SLC25A20: variants seen among roughly 807,000 people sequenced by gnomAD.
SLC25A20 encodes the protein mitochondrial carnitine/acylcarnitine carrier protein.
SLC25A20 carries 29 observed loss-of-function variants against 39.7 expected under a neutral mutation model. That is an observed-to-expected ratio of 0.73 (90% CI 0.54 to 1.00). The LOEUF is 1.00. Ranked by LOEUF, SLC25A20 falls within the 50% of genes least tolerant of loss-of-function variation. SLC25A20 has a pLI of 0.00. For missense variants in SLC25A20, 333 were observed against 379.9 expected, an observed-to-expected ratio of 0.88 and a Z score of 1.03; for synonymous variants, 103 against 142.2, an observed-to-expected ratio of 0.72 and a Z score of 1.96.
In SLC25A20 at chr3:48,869,438, G is replaced by C. The variant is rs772356706; in HGVS notation, c.418-6779C>G. Among the ~76,000 whole-genome samples the C allele has an allele frequency of 3.8e-4, 58 of 152,144 alleles. 1 individual carries two copies. Among genetic ancestry groups the C allele is most frequent in the Middle Eastern group, 3.4e-3 (1 of 294 alleles). On this transcript the variant is annotated intron_variant, in intron 4 of 8. Transcript: ENST00000319017. ...GAAGGCAGCTGGATCACGAGGTCAG[G>C]AGATTGAGGTGACCAACCTCAGGTG... is the stretch of plus-strand genomic sequence containing the variant.
Position 48,876,257 on chromosome 3 carries a change from A to C in SLC25A20, c.417+3101T>G, listed in dbSNP as rs2083756102. ...CTGGGGAGGCTGAGGCAGGAGAATC[A>C]CTTGAACCCAGGGGGAAGAGGTGGC... On this transcript the variant is annotated intron_variant, in intron 4 of 8. Coordinates refer to ENST00000319017, the MANE Select transcript of SLC25A20 (RefSeq NM_000387.6). Among the ~76,000 whole-genome samples, 3 of 145,676 alleles carry C rather than the reference A, an allele frequency of 2.1e-5. No individual in the cohort carries two copies. In the South Asian group the frequency reaches 6.8e-4, roughly 33 times the overall value.
intron 5 of SLC25A20, among the ~76,000 whole-genome samples, chr3:48,862,248 A>C (rs1300223722): frequency 6.6e-6 from 1 of 152,006 alleles, no homozygotes; most frequent in Non-Finnish European, 1.5e-5. Context: ...CACTGTCCCC[A>C]AGTCACACTT....
At chr3:48,886,488 A>C (rs901532950) in intron 2 of SLC25A20, among the ~76,000 whole-genome samples, 17 of 152,036 alleles carry the variant, frequency 1.1e-4, no homozygotes, top group Non-Finnish European at 2.4e-4. Context: ...GCGCCATTGC[A>C]CTCCAGCCTG....
At chr3:48,897,346 A>AATATATAT (rs34139351) in intron 1 of SLC25A20, among the ~76,000 whole-genome samples, 2 of 121,362 alleles carry the variant, frequency 1.6e-5, no homozygotes, top group African/African-American at 6.6e-5. Flanking sequence ...TGTGTGTGTG[A>AATATATAT]ATATATATAT....
chr3:48,859,163 C>G lies in SLC25A20; in HGVS notation c.647G>C (p.Gly216Ala). The change falls in exon 7 of 9, where the codon GGG becomes GCG. Residue 216 changes from glycine (G) to alanine (A), a missense_variant. Physicochemically the swap from Gly to Ala is moderately conservative, Grantham distance 60. Coordinates refer to ENST00000319017, the MANE Select transcript of SLC25A20 (RefSeq NM_000387.6). ...CCAGTTGAAGATCCCTGCAATGCCC[C>G]CAGCCACCAAGATCCGAGGGGCACT... ...ELSAPRILVA[G>A]GIAGIFNWAV... The G allele has an allele frequency of 6.2e-7, 1 of 1,614,062 alleles. No individual in the cohort carries two copies.
intron 4 of SLC25A20, among the ~76,000 whole-genome samples, chr3:48,864,306 C>T (rs988064705): frequency 1.5e-5 from 2 of 132,384 alleles, no homozygotes; most frequent in African/African-American, 5.8e-5. Flanking sequence ...CGAGATTGCA[C>T]CACTGCACTC....
chr3:48,897,267 G>A (rs1002938260), intron 1 of SLC25A20, among the ~76,000 whole-genome samples: 1 of 149,788 alleles, frequency 6.7e-6, no homozygotes, highest in East Asian at 1.9e-4. Context: ...CTTCAGTGCA[G>A]AGGTCATCCA....
chr3:48,861,123 A>C (rs1301128789), intron 5 of SLC25A20, among the ~76,000 whole-genome samples: 1 of 151,696 alleles, frequency 6.6e-6, no homozygotes, highest in Admixed American at 6.6e-5. Context: ...CACCACGCCC[A>C]GCTATTATTA....
At position 48,892,030 on chromosome 3, in the gene SLC25A20, GAGGTTGTCC is replaced by G. The variant is rs1310890508; in HGVS notation, c.139_147del (p.Gly47_Pro49del). On this transcript the variant is annotated inframe_deletion, in exon 2 of 9. Coordinates refer to ENST00000319017, the MANE Select transcript of SLC25A20 (RefSeq NM_000387.6). Reference sequence around the variant, plus strand: ...CAGTCAAAGGTCCCAGAGTACATGGGAGGTTGTCCAGGCAAACTCGGTGGCTGTGTCTGC... The same window carrying G: ...CAGTCAAAGGTCCCAGAGTACATGGGAGGCAAACTCGGTGGCTGTGTCTGC... 1 of 1,613,996 alleles carries G rather than the reference GAGGTTGTCC, an allele frequency of 6.2e-7. No homozygotes were observed. Among genetic ancestry groups the G allele is most frequent in the Non-Finnish European group, 8.5e-7 (1 of 1,180,004 alleles).
At chr3:48,873,795 G>A (rs1376888316) in intron 4 of SLC25A20, among the ~76,000 whole-genome samples, 1 of 149,634 alleles carries the variant, frequency 6.7e-6, no homozygotes, top group Admixed American at 6.7e-5. Context: ...GTGAAACCCC[G>A]TCTCTACTAA....
Position 48,857,443 on chromosome 3 carries a change from T to C in SLC25A20, c.*267A>G. ...GGCAGCATTCTTGCCACAGGTAGTATCTGGTCTGGAAGCTACTTGTTCCAT... is the reference window on the plus strand; with the variant it reads ...GGCAGCATTCTTGCCACAGGTAGTACCTGGTCTGGAAGCTACTTGTTCCAT... On this transcript the variant is annotated 3_prime_UTR_variant, in exon 9 of 9. Transcript: ENST00000319017. 6.3e-6 allele frequency: 3 copies of C among 475,710 alleles called. No individual in the cohort carries two copies. The South Asian group carries it at 6.4e-5, about 10-fold the overall frequency. 29.5% of individuals were successfully genotyped at this position (475,710 alleles called of 1,614,324 possible). A position where few individuals can be genotyped will look rare whatever the true frequency, so the allele number is the denominator to read the frequency against.
chr3:48,878,469 G>C (rs2083778322), intron 4 of SLC25A20, among the ~76,000 whole-genome samples: 1 of 149,376 alleles, frequency 6.7e-6, no homozygotes. Flanking sequence ...GAGTAGCTGG[G>C]ACCACAGATG....
rs1029129188 is a variant in SLC25A20, at chr3:48,878,371, T to C, written c.417+987A>G. On this transcript the variant is annotated intron_variant, in intron 4 of 8. Transcript: ENST00000319017. Reference sequence around the variant, plus strand: ...TTATTTGAGACAGGGTCTCACTCTGTCACCCAGACTGAAGTGCAGTGGCAC... The same window carrying C: ...TTATTTGAGACAGGGTCTCACTCTGCCACCCAGACTGAAGTGCAGTGGCAC... Among the ~76,000 whole-genome samples, 11 of 151,310 alleles carry C rather than the reference T, an allele frequency of 7.3e-5. No homozygotes were observed. The South Asian group carries it at 1.0e-3, about 14-fold the overall frequency.
chr3:48,888,728 C>A (rs140502640), intron 2 of SLC25A20, among the ~76,000 whole-genome samples: 1 of 152,068 alleles, frequency 6.6e-6, no homozygotes, highest in South Asian at 2.1e-4. Flanking sequence ...ATGACTACTA[C>A]TTAGTTTCTG....
At chr3:48,880,718 A>G (rs566256152) in intron 3 of SLC25A20, among the ~76,000 whole-genome samples, 1 of 151,674 alleles carries the variant, frequency 6.6e-6, no homozygotes, top group South Asian at 2.1e-4. Context: ...AGCTGGGACT[A>G]CAGGCAAGCC....
intron 8 of SLC25A20, 129 bp downstream of exon 8, chr3:48,858,378 T>C (rs758516964): frequency 3.0e-5 from 41 of 1,352,150 alleles, no homozygotes; most frequent in Non-Finnish European, 4.0e-5. Context: ...AAATAAGGAA[T>C]GCTCTGGCTG....
intron 4 of SLC25A20, among the ~76,000 whole-genome samples, chr3:48,873,912 C>A (rs558672645): frequency 7.8e-6 from 1 of 127,604 alleles, no homozygotes; most frequent in Non-Finnish European, 1.6e-5. Context: ...GAGCTTGCAG[C>A]GAGCTGAGAT....
chr3:48,867,872 C>G (rs1431074862), intron 4 of SLC25A20, among the ~76,000 whole-genome samples: 1 of 151,360 alleles, frequency 6.6e-6, no homozygotes, highest in Non-Finnish European at 1.5e-5. Flanking sequence ...ACCAGCCTGA[C>G]CAACATGGAG....
intron 4 of SLC25A20, among the ~76,000 whole-genome samples, chr3:48,870,814 ATTTTTTT>A (rs71077745): frequency 9.1e-6 from 1 of 109,844 alleles, no homozygotes. Flanking sequence ...CAGGAATCAG[ATTTTTTT>A]TTTTTTTTTT....
Sources: allele counts gnomAD v4.1 joint callset (sites outside exome capture counted in the v4.1 genomes callset), GRCh38; gene constraint gnomAD v4.1.1; transcripts MANE v1.5; gene names NCBI Gene and HGNC (gene_info 2026-07-23, HGNC 2026-07-21).